The following DESI1 variants were observed in gnomAD, a reference collection of about 807,000 sequenced individuals.
The protein encoded by DESI1 is desumoylating isopeptidase 1, also known as PPPDE peptidase domain containing 2.
A neutral mutation model predicts 22.4 loss-of-function variants in DESI1; 17 were observed. The ratio of observed to expected loss-of-function variants is 0.76; its 90% CI spans 0.52 to 1.14. The LOEUF is 1.14. Ranked by LOEUF, DESI1 falls within the 50% of genes most tolerant of loss-of-function variation. DESI1 has a pLI of 0.00. For missense variants in DESI1, 177 were observed against 208.9 expected (o/e 0.85, Z 0.94); for synonymous variants, 92 against 84.2 (o/e 1.09, Z -0.51).
chr22:41,609,995 G>A (rs964626226), intron 1 of DESI1, among the ~76,000 whole-genome samples: 2 of 148,754 alleles, frequency 1.3e-5, no homozygotes, highest in African/African-American at 2.5e-5. Flanking sequence ...CAGGAGAATC[G>A]CCTGAACCCA....
At chr22:41,612,726 C>T (rs2067525571) in intron 1 of DESI1, among the ~76,000 whole-genome samples, 1 of 150,644 alleles carries the variant, frequency 6.6e-6, no homozygotes, top group Admixed American at 6.6e-5. Context: ...TTCCCAGTTG[C>T]TGAGACTATA....
At chr22:41,603,062 G>T in intron 5 of DESI1, 197 bp downstream of exon 5, 1 of 820,516 alleles carries the variant, frequency 1.2e-6, no homozygotes, top group Non-Finnish European at 1.9e-6. Context: ...GGCAGAGCTG[G>T]TCTAGCTCTG....
intron 5 of DESI1, chr22:41,603,045 A>T: frequency 1.4e-6 from 1 of 730,580 alleles, no homozygotes; most frequent in Non-Finnish European, 2.1e-6. Flanking sequence ...GGTTGCACTT[A>T]GGCCAGGGCA....
At position 41,600,885 on chromosome 22, in the gene DESI1, T is replaced by A; in HGVS notation, c.*212A>T. 1.9e-6 allele frequency: 1 copy of A among 531,010 alleles called. No homozygotes were observed. Among genetic ancestry groups the A allele is most frequent in the South Asian group, 2.3e-5 (1 of 44,082 alleles). The allele number at this position is 531,010 out of a possible 1,614,324, so 32.9% of individuals were successfully genotyped here. ...CACAGACAAGACAGCCTTAATAAAT[T>A]AGTATAATACTATTAGAAGGGGTGG... On this transcript the variant is annotated 3_prime_UTR_variant, in exon 6 of 6. Coordinates refer to ENST00000263256, the MANE Select transcript of DESI1 (RefSeq NM_015704.3).
rs530076289 is a variant in DESI1 at position 41,619,794 on chromosome 22, T to C, written c.88+958A>G. The stretch of plus-strand genomic sequence containing the variant: ...CCTCGTCTCACAGAGATGAACTAAA[T>C]CATTCGCCAGTGTCTCCACAGAAGC... On this transcript the variant is annotated intron_variant, in intron 1 of 5. Coordinates refer to ENST00000263256, the MANE Select transcript of DESI1 (RefSeq NM_015704.3). Among the ~76,000 whole-genome samples, 8 of 152,320 alleles carry C rather than the reference T, an allele frequency of 5.3e-5. No individual in the cohort carries two copies. The South Asian group carries it at 1.2e-3, about 24-fold the overall frequency.
In DESI1 at chr22:41,603,289, A is replaced by G; in HGVS notation, c.383T>C (p.Ile128Thr). 1 of 1,614,230 alleles carries G rather than the reference A, an allele frequency of 6.2e-7. No homozygotes were observed. Among genetic ancestry groups the G allele is most frequent in the Non-Finnish European group, 8.5e-7 (1 of 1,180,044 alleles). Residue 128 changes from isoleucine (I) to threonine (T), a missense_variant, in exon 5 of 6, where the codon ATC becomes ACC. Transcript: ENST00000263256. ...FLTGRKIPSY[I>T]TDLPSEVLST... ...GAGAACTTCAGAGGGCAGGTCTGTGATGTAAGAAGGAATCTTCCGCCCAGT... is the reference window on the plus strand; with the variant it reads ...GAGAACTTCAGAGGGCAGGTCTGTGGTGTAAGAAGGAATCTTCCGCCCAGT...
At chr22:41,619,285 T>C (rs1035325814) in intron 1 of DESI1, among the ~76,000 whole-genome samples, 3 of 152,150 alleles carry the variant, frequency 2.0e-5, no homozygotes, top group Admixed American at 2.0e-4. Context: ...CTCCAGGAGA[T>C]TCTGATTTAG....
At chr22:41,610,973 A>G (rs2067513813) in intron 1 of DESI1, among the ~76,000 whole-genome samples, 1 of 152,150 alleles carries the variant, frequency 6.6e-6, no homozygotes, top group South Asian at 2.1e-4. Context: ...ACCTTATCCA[A>G]ACTGAGGTGA....
chr22:41,614,476 T>C (rs961376819), intron 1 of DESI1, among the ~76,000 whole-genome samples: 1 of 151,944 alleles, frequency 6.6e-6, no homozygotes, highest in Non-Finnish European at 1.5e-5. Flanking sequence ...TGGAGTGCAG[T>C]GGCGTGATCT....
intron 1 of DESI1, among the ~76,000 whole-genome samples, chr22:41,613,196 G>A (rs1168296403): frequency 6.6e-6 from 1 of 152,178 alleles, no homozygotes; most frequent in African/African-American, 2.4e-5. Context: ...GGACAGTGCA[G>A]ATCTAGAACA....
chr22:41,606,407 C>CACAACT (rs913965252), intron 3 of DESI1, among the ~76,000 whole-genome samples: 1 of 151,260 alleles, frequency 6.6e-6, no homozygotes, highest in Non-Finnish European at 1.5e-5. Context: ...CAAACAAACA[C>CACAACT]ACAACCAAAA....
Position 41,607,313 on chromosome 22 carries a change from C to T in DESI1, c.129G>A (p.Val43=), listed in dbSNP as rs746228802. 2.2e-5 allele frequency: 35 copies of T among 1,612,474 alleles called. No individual in the cohort carries two copies. In the African/African-American group the frequency reaches 3.7e-4, roughly 17 times the overall value. ...LEGIWHTSIV[V]HKDEFFFGSG... is the part of the protein sequence containing the mutation. ...TGCCGAAGAAGAACTCATCCTTGTG[C>T]ACAACTATGGATGTGTGCCTGTCAC... The change falls in exon 3 of 6, where the codon GTG becomes GTA. Residue 43 remains valine, a synonymous_variant. Coordinates refer to ENST00000263256, the MANE Select transcript of DESI1 (RefSeq NM_015704.3).
chr22:41,608,868 C>T (rs1376343388), intron 1 of DESI1, among the ~76,000 whole-genome samples: 3 of 152,216 alleles, frequency 2.0e-5, no homozygotes, highest in Non-Finnish European at 4.4e-5. Context: ...ACATCACCCA[C>T]TCACTCCTGC....
chr22:41,607,250 G>T lies in DESI1; in HGVS notation c.180+12C>A, dbSNP rs766464804. ...TGAGACTGCAGGACAGAGTGTAGGG[G>T]AAGACACTCACCGGGGGGCAGCTGG... On this transcript the variant is annotated intron_variant, in intron 3 of 5. Coordinates refer to ENST00000263256, the MANE Select transcript of DESI1 (RefSeq NM_015704.3). 1.2e-6 allele frequency: 2 copies of T among 1,604,908 alleles called. No individual in the cohort carries two copies.
chr22:41,603,095 G>A (rs1223782461), intron 5 of DESI1, 164 bp downstream of exon 5: 4 of 1,015,740 alleles, frequency 3.9e-6, no homozygotes, highest in Admixed American at 2.4e-5. Flanking sequence ...ATACAGGTGC[G>A]CATCAGTGGG....
Position 41,603,252 on chromosome 22 carries a change from CACTT to C in DESI1, c.413+3_413+6del. ...AAGGCAGGGGCAGGGACAGAGGCCA[CACTT>C]ACGTGGAGAGAACTTCAGAGGGCAG... On this transcript the variant is annotated splice_donor_5th_base_variant and intron_variant, in intron 5 of 5. Transcript: ENST00000263256. The C allele has an allele frequency of 6.2e-6, 10 of 1,614,120 alleles. No homozygotes were observed. The highest frequency in any genetic ancestry group is 8.5e-6 in the Non-Finnish European group (10 of 1,180,000).
At chr22:41,605,622 T>A (rs1038335893) in intron 3 of DESI1, among the ~76,000 whole-genome samples, 1 of 152,336 alleles carries the variant, frequency 6.6e-6, no homozygotes, top group Non-Finnish European at 1.5e-5. Flanking sequence ...TATTCACTCA[T>A]ATAACAACTA....
At chr22:41,616,455 T>G (rs908836280) in intron 1 of DESI1, among the ~76,000 whole-genome samples, 2 of 151,732 alleles carry the variant, frequency 1.3e-5, no homozygotes, top group South Asian at 4.2e-4. Context: ...AAAATAAACG[T>G]GATGCATGTA....
chr22:41,620,967 G>A lies in DESI1; in HGVS notation c.-128C>T. 1 of 989,020 alleles carries A rather than the reference G, an allele frequency of 1.0e-6. No individual in the cohort carries two copies. 61.3% of individuals were successfully genotyped at this position (989,020 alleles called of 1,614,324 possible). A position where few individuals can be genotyped will look rare whatever the true frequency, so the allele number is the denominator to read the frequency against. ...ACCGAGCCCGGGCCCGGGCTGAGGGGTGGGGGAGAGGCCGCCCTGCGCTGC... is the reference window on the plus strand; with the variant it reads ...ACCGAGCCCGGGCCCGGGCTGAGGGATGGGGGAGAGGCCGCCCTGCGCTGC... On this transcript the variant is annotated 5_prime_UTR_variant, in exon 1 of 6. Transcript: ENST00000263256.
Sources: allele counts gnomAD v4.1 joint callset (sites outside exome capture counted in the v4.1 genomes callset), GRCh38; gene constraint gnomAD v4.1.1; transcripts MANE v1.5; gene names NCBI Gene and HGNC (gene_info 2026-07-23, HGNC 2026-07-21).